Variants in PTPRA observed in about 807,000 individuals in gnomAD.
PTPRA encodes protein tyrosine phosphatase receptor type A.
PTPRA carries 25 observed loss-of-function variants against 104.8 expected under a neutral mutation model. The observed-to-expected ratio is 0.24, with a 90% CI of 0.17 to 0.33. The LOEUF is 0.33. Ranked by LOEUF, PTPRA falls within the 10% of genes least tolerant of loss-of-function variation. The pLI, the probability that PTPRA is intolerant of heterozygous loss-of-function variation, is 1.00. For synonymous variants in PTPRA, 323 were observed against 368.9 expected (o/e 0.88, Z 1.43); for missense variants, 765 against 1,015.3 (o/e 0.75, Z 3.35).
At chr20:3,025,760 T>C (rs2065106696) in intron 17 of PTPRA, among the ~76,000 whole-genome samples, 5 of 150,132 alleles carry the variant, frequency 3.3e-5, no homozygotes, top group Admixed American at 1.3e-4. Context: ...TCCCAGCTAC[T>C]TGGGAGGCTG....
chr20:3,033,594 C>T (rs1031845828), intron 20 of PTPRA, among the ~76,000 whole-genome samples: 3 of 150,710 alleles, frequency 2.0e-5, no homozygotes, highest in Admixed American at 6.6e-5. Context: ...ATCATTGTCA[C>T]TCCTTGTCTT....
chr20:2,981,777 A>C (rs2062682949), intron 6 of PTPRA, among the ~76,000 whole-genome samples: 1 of 152,158 alleles, frequency 6.6e-6, no homozygotes, highest in Admixed American at 6.5e-5. Context: ...TTTCAACCCC[A>C]GTCCCAATTC....
chr20:2,997,357 A>AT (rs1003335340), intron 9 of PTPRA, among the ~76,000 whole-genome samples: 2 of 152,282 alleles, frequency 1.3e-5, no homozygotes, highest in African/African-American at 4.8e-5. Context: ...TTTAAAGCAG[A>AT]TTTTTTTGAA....
chr20:2,935,559 A>AT (rs908010482), intron 2 of PTPRA, among the ~76,000 whole-genome samples: 6 of 151,782 alleles, frequency 4.0e-5, no homozygotes, highest in South Asian at 4.2e-4. Flanking sequence ...TTCTATTTAA[A>AT]TTTTTTTTTG....
chr20:2,976,466 C>T (rs1217532738), intron 6 of PTPRA, among the ~76,000 whole-genome samples: 1 of 152,102 alleles, frequency 6.6e-6, no homozygotes, highest in African/African-American at 2.4e-5. Flanking sequence ...TTTACCTACC[C>T]AATATTTAAG....
chr20:2,880,466 T>A (rs1362981582), intron 1 of PTPRA, among the ~76,000 whole-genome samples: 2 of 152,148 alleles, frequency 1.3e-5, no homozygotes, highest in African/African-American at 4.8e-5. Flanking sequence ...GTTAACAGTT[T>A]ATATTAACCA....
upstream of PTPRA, among the ~76,000 whole-genome samples, chr20:2,871,844 C>G (rs993785332): frequency 5.3e-5 from 8 of 152,182 alleles, no homozygotes; most frequent in African/African-American, 1.9e-4. Context: ...GCTGGAGTGT[C>G]TATTGGTCAG....
At chr20:2,992,944 G>C (rs1337204022) in intron 9 of PTPRA, among the ~76,000 whole-genome samples, 1 of 152,220 alleles carries the variant, frequency 6.6e-6, no homozygotes, top group African/African-American at 2.4e-5. Flanking sequence ...AATTAGCTGG[G>C]CATGGTGGTA....
At chr20:3,020,991 G>C (rs1193441346) in intron 13 of PTPRA, among the ~76,000 whole-genome samples, 1 of 152,234 alleles carries the variant, frequency 6.6e-6, no homozygotes, top group East Asian at 1.9e-4. Flanking sequence ...CTGAAATGTT[G>C]TGAAAGTGCA....
chr20:2,906,502 AAG>A (rs1265396842), intron 1 of PTPRA, among the ~76,000 whole-genome samples: 1 of 152,024 alleles, frequency 6.6e-6, no homozygotes, highest in Admixed American at 6.6e-5. Context: ...CTGATATAAC[AAG>A]AGAGAAAACA....
At chr20:2,875,975 A>C (rs746819029) in intron 1 of PTPRA, among the ~76,000 whole-genome samples, 6 of 152,218 alleles carry the variant, frequency 3.9e-5, no homozygotes, top group Non-Finnish European at 8.8e-5. Flanking sequence ...TGGTGGAAGG[A>C]ATCCACTGTC....
At chr20:3,011,497 A>T (rs917088305) in intron 11 of PTPRA, among the ~76,000 whole-genome samples, 23 of 152,242 alleles carry the variant, frequency 1.5e-4, no homozygotes, top group Non-Finnish European at 3.4e-4. Context: ...CATTCAGCCC[A>T]GCCTGGTAAC....
chr20:2,962,781 A>G (rs2061801351), intron 3 of PTPRA, among the ~76,000 whole-genome samples: 1 of 152,204 alleles, frequency 6.6e-6, no homozygotes. Context: ...CCTGAAGGCC[A>G]CTGCTGAACC....
At chr20:2,865,583 G>A in the PTPRA span, 23 of 1,229,308 alleles carry the variant, frequency 1.9e-5, no homozygotes, top group East Asian at 7.3e-5. This position sits in a 1 kb window ranked among gnomAD's most constrained non-coding sequence, Gnocchi z 5.2. Context: ...AGGATGGCCC[G>A]TTCATGCTCC....
intron 1 of PTPRA, among the ~76,000 whole-genome samples, chr20:2,900,156 T>TC (rs1349033069): frequency 6.6e-6 from 1 of 151,840 alleles, no homozygotes; most frequent in African/African-American, 2.4e-5. Flanking sequence ...TTTTTTTTTT[T>TC]CATTCATTCA....
At chr20:2,904,398 C>T (rs933676109) in intron 1 of PTPRA, among the ~76,000 whole-genome samples, 7 of 151,940 alleles carry the variant, frequency 4.6e-5, no homozygotes, top group South Asian at 2.1e-4. Context: ...TGGCCAGGCG[C>T]GGTGGCTCAT....
chr20:2,971,862 G>A (rs191152049), intron 5 of PTPRA, among the ~76,000 whole-genome samples: 1 of 152,116 alleles, frequency 6.6e-6, no homozygotes, highest in East Asian at 1.9e-4. Context: ...TTTATTTTGA[G>A]ATGGAGTCTG....
chr20:2,962,019 A>T (rs1200133049), intron 3 of PTPRA, among the ~76,000 whole-genome samples: 1 of 152,224 alleles, frequency 6.6e-6, no homozygotes, highest in Non-Finnish European at 1.5e-5. Context: ...TAAGTCTTGA[A>T]GTCCAATAGC....
chr20:2,963,073 T>C (rs1397475926), intron 3 of PTPRA, among the ~76,000 whole-genome samples: 1 of 152,180 alleles, frequency 6.6e-6, no homozygotes, highest in Non-Finnish European at 1.5e-5. Flanking sequence ...CCACTATTAC[T>C]GGTGGGGACA....
Sources: gnomAD v4.1 joint callset for allele counts (sites outside exome capture counted in the v4.1 genomes callset) on GRCh38, gnomAD v4.1.1 for gene constraint, Gnocchi (gnomAD v3.1) non-coding constraint, MANE v1.5 for transcripts, NCBI Gene and HGNC (gene_info 2026-07-23, HGNC 2026-07-21) for gene names.